Variants in ZDBF2 observed in about 807,000 individuals in gnomAD.
ZDBF2 encodes DBF4-type zinc finger-containing protein 2.
ZDBF2 carries 6 observed loss-of-function variants against 9.4 expected under a neutral mutation model. That is an observed-to-expected ratio of 0.64 (90% CI 0.35 to 1.27). ZDBF2 has a LOEUF of 1.27. Among genes scored for constraint, ZDBF2 ranks in the 50% most tolerant of loss-of-function variants. The pLI, the probability that ZDBF2 is intolerant of heterozygous loss-of-function variation, is 0.03. For synonymous variants in ZDBF2, 905 were observed against 946.3 expected (o/e 0.96, Z 0.80); for missense variants, 2,697 against 2,766.8 (o/e 0.97, Z 0.57).
chr2:206,300,160 C>A (rs913789495), intron 4 of ZDBF2, among the ~76,000 whole-genome samples: 4 of 152,052 alleles, frequency 2.6e-5, no homozygotes, highest in Non-Finnish European at 4.4e-5. Context: ...GAACCCTGCT[C>A]AGAGGGAGCC....
In ZDBF2 at chr2:206,307,235, C is replaced by T. The variant is rs921082782; in HGVS notation, c.2707C>T (p.His903Tyr). 6.2e-7 allele frequency: 1 copy of T among 1,607,290 alleles called. No individual in the cohort carries two copies. The highest frequency in any genetic ancestry group is 8.5e-7 in the Non-Finnish European group (1 of 1,178,254). ...AAATCCTCAAAAAGAAGAGCAGGTACACTTAGAAAATAAGGAAAATGAACC... is the reference window on the plus strand; with the variant it reads ...AAATCCTCAAAAAGAAGAGCAGGTATACTTAGAAAATAAGGAAAATGAACC... ...KLNPQKEEQV[H>Y]LENKENEPID... Residue 903 changes from histidine (H) to tyrosine (Y), a missense_variant, in exon 5 of 5, where the codon CAC (histidine) becomes TAC (tyrosine). This residue lies in a region of ZDBF2 where 1,783 missense variants were observed against 1,776.5 expected (regional missense o/e 1.00). Coordinates refer to ENST00000374423, the MANE Select transcript of ZDBF2 (RefSeq NM_020923.3).
chr2:206,283,875 C>A (rs1223986093), intron 3 of ZDBF2, among the ~76,000 whole-genome samples: 2 of 152,156 alleles, frequency 1.3e-5, no homozygotes, highest in Non-Finnish European at 2.9e-5. Context: ...ATTTCCCAGG[C>A]TGGTCTCAAA....
chr2:206,312,389 A>G lies in ZDBF2; in HGVS notation c.*796A>G, dbSNP rs988112218. 1.3e-5 allele frequency: 2 copies of G among 151,864 alleles called. No homozygotes were observed. The highest frequency in any genetic ancestry group is 1.3e-4 in the Admixed American group (2 of 15,232). 9.4% of individuals were successfully genotyped at this position (151,864 alleles called of 1,614,324 possible). A position where few individuals can be genotyped will look rare whatever the true frequency, so the allele number is the denominator to read the frequency against. On this transcript the variant is annotated 3_prime_UTR_variant, in exon 5 of 5. Coordinates refer to ENST00000374423, the MANE Select transcript of ZDBF2 (RefSeq NM_020923.3). ...CCCTAAAAATATTTTAGGCATTACC[A>G]TATCAGTTTTTATTTTTATGTTTAT...
chr2:206,305,911 T>C lies in ZDBF2; in HGVS notation c.1383T>C (p.Val461=), dbSNP rs1276192732. 2.5e-6 allele frequency: 4 copies of C among 1,613,386 alleles called. No individual in the cohort carries two copies. The Admixed American group carries it at 6.7e-5, about 27-fold the overall frequency. The part of the protein sequence containing the change: ...SSDCDDILHL[V]TNQSQMIVKE... ...ATTGTGATGACATTCTTCACTTGGT[T>C]ACCAACCAATCCCAAATGATTGTTA... The change falls in exon 5 of 5, where the codon GTT becomes GTC. Residue 461 remains valine, a synonymous_variant. Transcript: ENST00000374423.
chr2:206,281,607 C>G (rs1277037057), intron 2 of ZDBF2, among the ~76,000 whole-genome samples, 194 bp from the exon 3 acceptor site: 1 of 152,182 alleles, frequency 6.6e-6, no homozygotes, highest in Admixed American at 6.5e-5. Context: ...ACATTGGCAA[C>G]AAACTGCTCT....
At chr2:206,285,979 G>C (rs1378151450) in intron 3 of ZDBF2, among the ~76,000 whole-genome samples, 2 of 152,136 alleles carry the variant, frequency 1.3e-5, no homozygotes, top group Admixed American at 1.3e-4. Flanking sequence ...ATTTATTTCT[G>C]GGTTTTCTGT....
rs1574428308 is a variant in ZDBF2 at position 206,311,652 on chromosome 2, G to A, written c.*59G>A. On this transcript the variant is annotated 3_prime_UTR_variant, in exon 5 of 5. Coordinates refer to ENST00000374423, the MANE Select transcript of ZDBF2 (RefSeq NM_020923.3). ...CAGTACTTCAGTTGAAATATATTTG[G>A]TACTTTGTGCACACAGCTTTCCCAG... The A allele has an allele frequency of 1.4e-6, 2 of 1,380,632 alleles. No homozygotes were observed. The highest frequency in any genetic ancestry group is 5.0e-5 in the East Asian group (2 of 39,958). 85.5% of individuals were successfully genotyped at this position (1,380,632 alleles called of 1,614,324 possible).
intron 1 of ZDBF2, 37 bp from the exon 2 acceptor site, chr2:206,279,503 G>A (rs769992770): frequency 1.6e-4 from 24 of 152,064 alleles, no homozygotes; most frequent in Admixed American, 3.3e-4. Context: ...ACACTTATGG[G>A]ACCTCTTCTA....
intron 1 of ZDBF2, among the ~76,000 whole-genome samples, chr2:206,278,246 TAAAG>T (rs1457589561): frequency 2.6e-5 from 4 of 152,180 alleles, no homozygotes; most frequent in Non-Finnish European, 5.9e-5. Flanking sequence ...AGTCATTTTT[TAAAG>T]AAAAATTAAA....
rs757700228 is a variant in ZDBF2 at position 206,305,618 on chromosome 2, A to G, written c.1090A>G (p.Met364Val). 10 of 1,613,714 alleles carry G rather than the reference A, an allele frequency of 6.2e-6. No individual in the cohort carries two copies. In the Admixed American group the frequency reaches 1.7e-4, roughly 27 times the overall value. Residue 364 changes from methionine to valine, a missense_variant, in exon 5 of 5, where the codon ATG becomes GTG. Met to Val is a conservative substitution (Grantham distance 21). Coordinates refer to ENST00000374423, the MANE Select transcript of ZDBF2 (RefSeq NM_020923.3). ...WEQKCSVSSEMKFDCISLQSA... is the reference protein window; with the variant it reads ...WEQKCSVSSEVKFDCISLQSA... The stretch of plus-strand genomic sequence containing the variant: ...ACAGAAGTGCTCAGTGAGTTCTGAA[A>G]TGAAGTTTGATTGTATCTCTCTTCA...
At chr2:206,278,751 G>GT (rs1255299493) in intron 1 of ZDBF2, among the ~76,000 whole-genome samples, 1 of 152,194 alleles carries the variant, frequency 6.6e-6, no homozygotes, top group African/African-American at 2.4e-5. Context: ...CGTATCCACA[G>GT]TGGCATCCCT....
intron 3 of ZDBF2, among the ~76,000 whole-genome samples, chr2:206,294,890 G>A (rs894024744): frequency 4.6e-5 from 7 of 152,092 alleles, no homozygotes; most frequent in Non-Finnish European, 8.8e-5. Flanking sequence ...ATTCAGTAAC[G>A]TTGAATTTTA....
At chr2:206,298,492 G>A (rs1692319398) in intron 4 of ZDBF2, among the ~76,000 whole-genome samples, 1 of 152,140 alleles carries the variant, frequency 6.6e-6, no homozygotes, top group Non-Finnish European at 1.5e-5. Context: ...AGCCTATCCT[G>A]GGGTCAGTAT....
intron 4 of ZDBF2, among the ~76,000 whole-genome samples, chr2:206,298,603 AC>A (rs1279603147): frequency 1.3e-5 from 2 of 152,134 alleles, no homozygotes; most frequent in African/African-American, 4.8e-5. Context: ...ACTCACTGCA[AC>A]CCCCACCTCC....
chr2:206,302,151 G>T (rs1692540230), intron 4 of ZDBF2, among the ~76,000 whole-genome samples: 1 of 151,894 alleles, frequency 6.6e-6, no homozygotes, highest in South Asian at 2.1e-4. Flanking sequence ...TGGGACTATA[G>T]ACATGTACCA....
rs202127995 is a variant in ZDBF2 at position 206,309,317 on chromosome 2, T to A, written c.4789T>A (p.Cys1597Ser). 2 of 1,612,398 alleles carry A rather than the reference T, an allele frequency of 1.2e-6. No individual in the cohort carries two copies. The highest frequency in any genetic ancestry group is 1.1e-5 in the South Asian group (1 of 90,782). The change falls in exon 5 of 5, where the codon TGC (cysteine) becomes AGC (serine). Residue 1597 changes from cysteine to serine, a missense_variant. Physicochemically the swap from Cys to Ser is moderately radical, Grantham distance 112. Transcript: ENST00000374423. ...KASTPSMTNQ[C>S]KETFKIINRK... ...CTCTACTCCCTCAATGACAAACCAA[T>A]GCAAAGAGACTTTCAAAATAATAAA...
In ZDBF2 at chr2:206,307,476, A is replaced by T. The variant is rs747030833; in HGVS notation, c.2948A>T (p.Glu983Val). ...GTCAAAGAAACATGGCTTCAAAGAG[A>T]AAAGCACGCTGAATTCCAAGGTAGA... ...VIVKETWLQR[E>V]KHAEFQGRST... is the part of the protein sequence containing the mutation. The change falls in exon 5 of 5, where the codon GAA (glutamate) becomes GTA (valine). Residue 983 changes from glutamate (E) to valine (V), a missense_variant. By Grantham distance (121) the Glu-to-Val change is moderately radical. Coordinates refer to ENST00000374423, the MANE Select transcript of ZDBF2 (RefSeq NM_020923.3). 1.9e-6 allele frequency: 3 copies of T among 1,612,872 alleles called. No homozygotes were observed. The Admixed American group carries it at 5.0e-5, about 27-fold the overall frequency.
rs376587709 is a variant in ZDBF2 at position 206,283,240 on chromosome 2, A to G, written c.60+1331A>G. 2.0e-5 allele frequency among the ~76,000 whole-genome samples: 3 copies of G among 152,298 alleles called. No individual in the cohort carries two copies. The East Asian group carries it at 5.8e-4, about 29-fold the overall frequency. On this transcript the variant is annotated intron_variant, in intron 3 of 4. Transcript: ENST00000374423. ...TTCTTAGGTTTACATGTAGAGTGGA[A>G]TTGTTGGGTCATGTGGTAATTGTGT...
Position 206,311,135 on chromosome 2 carries a change from A to C in ZDBF2, c.6607A>C (p.Lys2203Gln), listed in dbSNP as rs1693158507. 1 of 1,613,810 alleles carries C rather than the reference A, an allele frequency of 6.2e-7. No individual in the cohort carries two copies. The highest frequency in any genetic ancestry group is 1.7e-5 in the Admixed American group (1 of 59,976). ...TTATAAACCAATTATTCTCCAGCAA[A>C]AACCCAGAAAAGCTTCAGAGAAACA... is the stretch of plus-strand genomic sequence containing the variant. ...KVYKPIILQQ[K>Q]PRKASEKQSI... Residue 2203 changes from lysine to glutamine, a missense_variant, in exon 5 of 5, where the codon AAA becomes CAA. By Grantham distance (53) the Lys-to-Gln change is moderately conservative. Transcript: ENST00000374423.
Sources: allele counts gnomAD v4.1 joint callset (sites outside exome capture counted in the v4.1 genomes callset), GRCh38; gene constraint gnomAD v4.1.1; regional missense constraint gnomAD v4.1.1; transcripts MANE v1.5; gene names NCBI Gene and HGNC (gene_info 2026-07-23, HGNC 2026-07-21).